The following RNF13 variants were observed in gnomAD, a reference collection of about 807,000 sequenced individuals.
RNF13 encodes ring finger protein 13, also known as E3 ubiquitin-protein ligase RNF13.
In RNF13, 19 loss-of-function variants were observed where a neutral mutation model predicts 37.7. The observed-to-expected ratio is 0.50, with a 90% CI of 0.35 to 0.74. The LOEUF (loss-of-function observed/expected upper bound fraction) is 0.74. Among genes scored for constraint, RNF13 ranks in the 30% least tolerant of loss-of-function variants. The pLI is 0.01. For missense variants in RNF13, 375 were observed against 453.0 expected (o/e 0.83, Z 1.56); for synonymous variants, 144 against 157.8 (o/e 0.91, Z 0.65).
Position 149,912,091 on chromosome 3 carries a change from C to A in RNF13, c.606+8C>A, listed in dbSNP as rs375591711. The A allele has an allele frequency of 7.4e-7, 1 of 1,349,790 alleles. No homozygotes were observed. Among genetic ancestry groups the A allele is most frequent in the African/African-American group, 1.5e-5 (1 of 68,492 alleles). 83.6% of individuals were successfully genotyped at this position (1,349,790 alleles called of 1,614,324 possible). A position where few individuals can be genotyped will look rare whatever the true frequency, so the allele number is the denominator to read the frequency against. On this transcript the variant is annotated splice_region_variant and intron_variant, in intron 7 of 9. Coordinates refer to ENST00000392894, the MANE Select transcript of RNF13 (RefSeq NM_183381.3). ...TTGATAGTCATTTTCATGGTAGGTA[C>A]ATTAACTTTTAATAATTTTTAAAAA...
intron 6 of RNF13, among the ~76,000 whole-genome samples, chr3:149,905,743 A>T (rs550344252): frequency 6.6e-6 from 1 of 152,006 alleles, no homozygotes; most frequent in East Asian, 1.9e-4. Flanking sequence ...GGATCCAATC[A>T]TATCTTTTTC....
intron 4 of RNF13, among the ~76,000 whole-genome samples, chr3:149,884,181 G>GT (rs1713749301): frequency 6.6e-6 from 1 of 152,164 alleles, no homozygotes; most frequent in Non-Finnish European, 1.5e-5. Flanking sequence ...GTTGGACATA[G>GT]TGTTGTATTG....
chr3:149,875,777 T>C (rs1287567787), intron 4 of RNF13, among the ~76,000 whole-genome samples: 1 of 149,592 alleles, frequency 6.7e-6, no homozygotes, highest in African/African-American at 2.5e-5. Context: ...AGGTACTTAT[T>C]CTAAAAGTAA....
chr3:149,851,929 ATCTG>A (rs1404416337), intron 2 of RNF13, among the ~76,000 whole-genome samples: 5 of 152,160 alleles, frequency 3.3e-5, no homozygotes, highest in African/African-American at 1.2e-4. Context: ...TGGAATCTAT[ATCTG>A]TGTGGAAGGG....
chr3:149,909,205 G>A (rs574607068), intron 6 of RNF13, among the ~76,000 whole-genome samples: 3 of 151,650 alleles, frequency 2.0e-5, no homozygotes, highest in African/African-American at 4.8e-5. Flanking sequence ...CACATCCACT[G>A]TTAGCAATTT....
Position 149,821,401 on chromosome 3 carries a change from G to A in RNF13, c.-17+8048G>A, listed in dbSNP as rs138637417. Among the ~76,000 whole-genome samples, 91 of 152,118 alleles carry A rather than the reference G, an allele frequency of 6.0e-4. No individual in the cohort carries two copies. In the East Asian group the frequency reaches 0.015, roughly 25 times the overall value. ...GTATCTCACTGTGGTTTTGATTTGC[G>A]TTTCCCAGATTACTAATGATTTTAA... On this transcript the variant is annotated intron_variant, in intron 1 of 9. Coordinates refer to ENST00000392894, the MANE Select transcript of RNF13 (RefSeq NM_183381.3).
chr3:149,853,174 T>C (rs1017561943), intron 3 of RNF13, among the ~76,000 whole-genome samples: 1 of 152,106 alleles, frequency 6.6e-6, no homozygotes, highest in East Asian at 1.9e-4. Context: ...AGTGCTACAA[T>C]GAATGTTTTT....
At chr3:149,833,373 A>G (rs565641383) in intron 1 of RNF13, among the ~76,000 whole-genome samples, 105 of 152,248 alleles carry the variant, frequency 6.9e-4, no homozygotes, top group Non-Finnish European at 8.4e-4. Flanking sequence ...AAAATCCTCA[A>G]CAAAATGCTA....
chr3:149,907,366 G>T (rs1032131056), intron 6 of RNF13, among the ~76,000 whole-genome samples: 8 of 152,050 alleles, frequency 5.3e-5, no homozygotes, highest in Non-Finnish European at 4.4e-5. Flanking sequence ...TAAGATTCTG[G>T]TTTTTTATCA....
At position 149,957,569 on chromosome 3, in the gene RNF13, C is replaced by CTTT. The variant is rs1454928874; in HGVS notation, c.701-2486_701-2485insTTT. Among the ~76,000 whole-genome samples the CTTT allele has an allele frequency of 2.6e-5, 4 of 152,188 alleles. No homozygotes were observed. The East Asian group carries it at 5.8e-4, about 22-fold the overall frequency. On this transcript the variant is annotated intron_variant, in intron 8 of 9. Transcript: ENST00000392894. ...CCACTAGCCTTTTGTAAGCATGCAG[C>CTTT]TGATCATCTGTTGGGACAAAAGCAT... is the stretch of plus-strand genomic sequence containing the variant.
rs1719884830 is a variant in RNF13 at position 149,820,212 on chromosome 3, C to G, written c.-17+6859C>G. Among the ~76,000 whole-genome samples the G allele has an allele frequency of 2.6e-5, 4 of 151,452 alleles. No individual in the cohort carries two copies. The South Asian group carries it at 8.3e-4, about 32-fold the overall frequency. On this transcript the variant is annotated intron_variant, in intron 1 of 9. Transcript: ENST00000392894. ...AATGTAGTTCAGGCTCAGTTTCTTT[C>G]TTTCTTTTTTTTTTGTTTTTTTAAA...
intron 1 of RNF13, among the ~76,000 whole-genome samples, chr3:149,836,819 G>T (rs892357493): frequency 1.3e-5 from 2 of 152,186 alleles, no homozygotes; most frequent in African/African-American, 4.8e-5. Context: ...TACTCAGCCT[G>T]CTAAGGAAGG....
intron 5 of RNF13, among the ~76,000 whole-genome samples, chr3:149,899,487 A>G (rs1273388449): frequency 6.6e-6 from 1 of 152,216 alleles, no homozygotes; most frequent in Non-Finnish European, 1.5e-5. Flanking sequence ...TAAATAAAAA[A>G]AAATAAGTTT....
chr3:149,866,996 A>AT (rs1711498631), intron 3 of RNF13, among the ~76,000 whole-genome samples: 1 of 152,136 alleles, frequency 6.6e-6, no homozygotes, highest in African/African-American at 2.4e-5. Context: ...TGTCTTTTCT[A>AT]TAACTGTTGG....
At chr3:149,820,582 G>GA (rs1414301793) in intron 1 of RNF13, among the ~76,000 whole-genome samples, 3 of 152,128 alleles carry the variant, frequency 2.0e-5, no homozygotes, top group South Asian at 2.1e-4. Context: ...CCTCAAAGAG[G>GA]AAGAGCTGCT....
chr3:149,829,904 ATAGT>A, intron 1 of RNF13, among the ~76,000 whole-genome samples: 1 of 152,106 alleles, frequency 6.6e-6, no homozygotes, highest in Non-Finnish European at 1.5e-5. Context: ...TGTTCTCGTG[ATAGT>A]GAGTAAGTCT....
At chr3:149,849,502 C>G (rs191368423) in intron 2 of RNF13, among the ~76,000 whole-genome samples, 115 of 152,272 alleles carry the variant, frequency 7.6e-4, no homozygotes, top group African/African-American at 2.6e-3. Context: ...AGCTCTACCA[C>G]TCTATTTGCA....
At chr3:149,881,582 C>T (rs1214762224) in intron 4 of RNF13, among the ~76,000 whole-genome samples, 7 of 152,158 alleles carry the variant, frequency 4.6e-5, no homozygotes, top group African/African-American at 1.2e-4. Flanking sequence ...CCACCCACCT[C>T]GGCCTTCCAA....
intron 3 of RNF13, among the ~76,000 whole-genome samples, chr3:149,864,200 C>G (rs535480795): frequency 6.6e-6 from 1 of 151,816 alleles, no homozygotes; most frequent in Non-Finnish European, 1.5e-5. Context: ...TTGGTGACTT[C>G]TGCTGTAATG....
Sources: allele counts gnomAD v4.1 joint callset (sites outside exome capture counted in the v4.1 genomes callset), GRCh38; gene constraint gnomAD v4.1.1; transcripts MANE v1.5; gene names NCBI Gene and HGNC (gene_info 2026-07-23, HGNC 2026-07-21).